The following FHOD1 variants were observed in gnomAD, a reference collection of about 807,000 sequenced individuals.
FHOD1 encodes formin homology 2 domain containing 1.
Under a neutral mutation model 111.6 loss-of-function variants are expected in FHOD1, and 89 were observed. That is an observed-to-expected ratio of 0.80 (90% confidence interval 0.67 to 0.95). The LOEUF is 0.95. Among genes scored for constraint, FHOD1 ranks in the 40% least tolerant of loss-of-function variants. The pLI is 0.00. For synonymous variants in FHOD1, 618 were observed against 639.0 expected (o/e 0.97, Z 0.50); for missense variants, 1,446 against 1,554.2 (o/e 0.93, Z 1.17).
chr16:67,236,599 A>G lies in FHOD1; in HGVS notation c.1277T>C (p.Val426Ala), dbSNP rs1190864120. ...ASVNLFPTISVAPSADTSSER... is the reference protein window; with the variant it reads ...ASVNLFPTISAAPSADTSSER... ...GCTGGAGGTGTCAGCTGAGGGTGCC[A>G]CAGAGATGGTAGGAAAAAGGTTCAC... The change falls in exon 11 of 22, where the codon GTG becomes GCG. Residue 426 changes from valine (V) to alanine (A), a missense_variant. Physicochemically the swap from Val to Ala is moderately conservative, Grantham distance 64 (BLOSUM62 0). Coordinates refer to ENST00000258201, the MANE Select transcript of FHOD1 (RefSeq NM_013241.3). 2.5e-6 allele frequency: 4 copies of G among 1,613,756 alleles called. No homozygotes were observed. The highest frequency in any genetic ancestry group is 3.4e-6 in the Non-Finnish European group (4 of 1,179,896).
At chr16:67,242,272 G>A (rs1292127528) in intron 1 of FHOD1, among the ~76,000 whole-genome samples, 1 of 152,104 alleles carries the variant, frequency 6.6e-6, no homozygotes, top group Non-Finnish European at 1.5e-5. Flanking sequence ...CCCGGCCAAT[G>A]GTCCACATTC....
At position 67,231,924 on chromosome 16, in the gene FHOD1, G is replaced by T; in HGVS notation, c.2203-105C>A. On this transcript the variant is annotated intron_variant, in intron 14 of 21. Coordinates refer to ENST00000258201, the MANE Select transcript of FHOD1 (RefSeq NM_013241.3). This position sits in a 1 kb window ranked among gnomAD's most constrained non-coding sequence, Gnocchi z 4.3. Reference sequence around the variant, plus strand: ...ATCTAGGGGAGGCCCCAGTGTCTGGGGACTGCCCTGCAGAAATGCCAAGCC... The same window carrying T: ...ATCTAGGGGAGGCCCCAGTGTCTGGTGACTGCCCTGCAGAAATGCCAAGCC... 1 of 1,542,026 alleles carries T rather than the reference G, an allele frequency of 6.5e-7. No homozygotes were observed. Among genetic ancestry groups the T allele is most frequent in the Non-Finnish European group, 8.8e-7 (1 of 1,138,772 alleles).
At chr16:67,236,489 T>G in intron 11 of FHOD1, 68 bp downstream of exon 11, 1 of 1,571,374 alleles carries the variant, frequency 6.4e-7, no homozygotes. Context: ...TGAGTGCCCA[T>G]GGAGGGGCGC....
chr16:67,242,883 T>G (rs1024310182), intron 1 of FHOD1, among the ~76,000 whole-genome samples: 1 of 152,042 alleles, frequency 6.6e-6, no homozygotes, highest in African/African-American at 2.4e-5. Context: ...TTTCTAGCTA[T>G]CTATCTACCT....
In FHOD1 at chr16:67,236,549, C is replaced by A. The variant is rs771018740; in HGVS notation, c.1319+8G>T. 6.2e-7 allele frequency: 1 copy of A among 1,611,332 alleles called. No homozygotes were observed. Among genetic ancestry groups the A allele is most frequent in the Non-Finnish European group, 8.5e-7 (1 of 1,178,844 alleles). ...GGACTCCAGGGTGGCCTCTGTCTCC[C>A]TACTTACTTGTAGATGCTCCTCTCG... On this transcript the variant is annotated splice_region_variant and intron_variant, in intron 11 of 21. Coordinates refer to ENST00000258201, the MANE Select transcript of FHOD1 (RefSeq NM_013241.3).
intron 19 of FHOD1, 22 bp from the exon 20 acceptor site, chr16:67,230,250 G>T (rs768810239): frequency 4.3e-6 from 7 of 1,613,668 alleles, no homozygotes; most frequent in Non-Finnish European, 5.9e-6. Context: ...AGAAGGGTGA[G>T]CTGGGAGGAG....
chr16:67,247,099 T>C (rs2034882835), intron 1 of FHOD1, 111 bp downstream of exon 1: 2 of 1,275,624 alleles, frequency 1.6e-6, no homozygotes, highest in Admixed American at 5.8e-5. Context: ...CCAAGACTTT[T>C]CCGGAGAAGA....
chr16:67,241,301 G>A (rs1173068636), intron 1 of FHOD1, among the ~76,000 whole-genome samples: 1 of 152,084 alleles, frequency 6.6e-6, no homozygotes, highest in East Asian at 1.9e-4. Context: ...CCTGAGAAGG[G>A]GCAGCAAGGC....
At chr16:67,232,477 C>T (rs1166759834) in intron 13 of FHOD1, among the ~76,000 whole-genome samples, 1 of 148,490 alleles carries the variant, frequency 6.7e-6, no homozygotes, top group African/African-American at 2.5e-5. Context: ...TGAGATCACA[C>T]CATTGCACTA....
rs754761714 is a variant in FHOD1 at position 67,234,261 on chromosome 16, C to T, written c.1442G>A (p.Arg481Gln). 2.0e-5 allele frequency: 31 copies of T among 1,563,330 alleles called. No homozygotes were observed. Among genetic ancestry groups the T allele is most frequent in the Non-Finnish European group, 2.3e-5 (27 of 1,151,312 alleles). The stretch of plus-strand genomic sequence containing the variant: ...TGTCTCTGGGGAGTCCCAGAGTTGC[C>T]GGGCATCTAAAGAAAGGGAAGGAGC... ...PNEAGGHPDA[R>Q]QLWDSPETAP... The change falls in exon 13 of 22, where the codon CGG (arginine) becomes CAG (glutamine). Residue 481 changes from arginine to glutamine, a missense_variant. Transcript: ENST00000258201.
intron 1 of FHOD1, among the ~76,000 whole-genome samples, chr16:67,241,168 A>T (rs2034658296): frequency 8.4e-6 from 1 of 118,732 alleles, no homozygotes; most frequent in Non-Finnish European, 1.6e-5. Flanking sequence ...CAAACACTCC[A>T]GCCTGTTCTC....
chr16:67,237,847 G>A lies in FHOD1; in HGVS notation c.643-79C>T, dbSNP rs757195233. The A allele has an allele frequency of 7.0e-7, 1 of 1,427,402 alleles. No individual in the cohort carries two copies. Among genetic ancestry groups the A allele is most frequent in the Non-Finnish European group, 9.9e-7 (1 of 1,013,970 alleles). 88.4% of individuals were successfully genotyped at this position (1,427,402 alleles called of 1,614,324 possible). ...CTGTTGCTGGGGAAGGGGAAGGGCT[G>A]CTGGGGCTGGACCCAGAGAGAATCT... On this transcript the variant is annotated intron_variant, in intron 6 of 21. Coordinates refer to ENST00000258201, the MANE Select transcript of FHOD1 (RefSeq NM_013241.3). This position sits in a 1 kb window ranked among gnomAD's most constrained non-coding sequence, Gnocchi z 5.6.
chr16:67,244,659 T>C (rs1441078286), intron 1 of FHOD1, among the ~76,000 whole-genome samples: 1 of 152,124 alleles, frequency 6.6e-6, no homozygotes, highest in Non-Finnish European at 1.5e-5. Context: ...GGCTGGCCTC[T>C]GTACATCCCC....
At position 67,233,943 on chromosome 16, in the gene FHOD1, G is replaced by C. The variant is rs1479123697; in HGVS notation, c.1760C>G (p.Pro587Arg). 4 of 1,593,066 alleles carry C rather than the reference G, an allele frequency of 2.5e-6. No homozygotes were observed. Among genetic ancestry groups the C allele is most frequent in the Non-Finnish European group, 3.4e-6 (4 of 1,170,058 alleles). The change falls in exon 13 of 22, where the codon CCA becomes CGA. Residue 587 changes from proline (P) to arginine (R), a missense_variant. Pro to Arg is a moderately radical substitution (Grantham distance 103). This residue lies in a region of FHOD1 where 1,085 missense variants were observed against 1,108.8 expected (regional missense o/e 0.98). Coordinates refer to ENST00000258201, the MANE Select transcript of FHOD1 (RefSeq NM_013241.3). ...PLLSGVPPPP[P>R]LPPPPPIKGP... Reference sequence around the variant, plus strand: ...TTTGATGGGTGGGGGAGGTGGAAGTGGGGGAGGGGGGGGTACTCCCGAGAG... The same window carrying C: ...TTTGATGGGTGGGGGAGGTGGAAGTCGGGGAGGGGGGGGTACTCCCGAGAG...
chr16:67,245,973 T>G (rs1162623574), intron 1 of FHOD1, among the ~76,000 whole-genome samples: 1 of 152,174 alleles, frequency 6.6e-6, no homozygotes, highest in Non-Finnish European at 1.5e-5. Context: ...ACACCTCAAT[T>G]TGCCCCTCTG....
rs111290083 is a variant in FHOD1, at chr16:67,231,856, A to C, written c.2203-37T>G. Reference sequence around the variant, plus strand: ...GCCAGAGCCTGACATGGCCCCCTCAATGCAGGCCTGAGGCCTGAGGCATTG... The same window carrying C: ...GCCAGAGCCTGACATGGCCCCCTCACTGCAGGCCTGAGGCCTGAGGCATTG... On this transcript the variant is annotated intron_variant, in intron 14 of 21. Transcript: ENST00000258201. This position sits in a 1 kb window ranked among gnomAD's most constrained non-coding sequence, Gnocchi z 4.3. 2 of 1,600,516 alleles carry C rather than the reference A, an allele frequency of 1.2e-6. No individual in the cohort carries two copies. The highest frequency in any genetic ancestry group is 2.7e-5 in the African/African-American group (2 of 74,710).
In FHOD1 at chr16:67,230,826, C is replaced by T. The variant is rs374066939; in HGVS notation, c.2668-35G>A. 22 of 1,547,436 alleles carry T rather than the reference C, an allele frequency of 1.4e-5. No homozygotes were observed. In the African/African-American group the frequency reaches 2.5e-4, roughly 17 times the overall value. ...CAAGGGGGTGCACATACTGTCCCCC[C>T]ACACCCTGTAGACAAGACATGGCCC... On this transcript the variant is annotated intron_variant, in intron 17 of 21. Coordinates refer to ENST00000258201, the MANE Select transcript of FHOD1 (RefSeq NM_013241.3).
At chr16:67,229,746 G>C in intron 21 of FHOD1, 28 bp from the exon 22 acceptor site, 1 of 1,614,038 alleles carries the variant, frequency 6.2e-7, no homozygotes, top group South Asian at 1.1e-5. Context: ...GGTTGGAGGG[G>C]GTTGATGGGG....
intron 1 of FHOD1, among the ~76,000 whole-genome samples, chr16:67,240,646 C>T (rs562893059): frequency 6.6e-6 from 1 of 152,368 alleles, no homozygotes; most frequent in African/African-American, 2.4e-5. Flanking sequence ...TTTCCCTCCC[C>T]GGGCTCTCCT....
Sources: allele counts gnomAD v4.1 joint callset (sites outside exome capture counted in the v4.1 genomes callset), GRCh38; gene constraint gnomAD v4.1.1; regional missense constraint gnomAD v4.1.1; non-coding constraint Gnocchi (gnomAD v3.1); transcripts MANE v1.5; gene names NCBI Gene and HGNC (gene_info 2026-07-23, HGNC 2026-07-21).